Variants in RHEX observed in about 807,000 individuals in gnomAD.
RHEX encodes regulator of hemoglobinization and erythroid cell expansion.
A neutral mutation model predicts 20.1 loss-of-function variants in RHEX; 18 were observed. The ratio of observed to expected loss-of-function variants is 0.90; its 90% CI spans 0.62 to 1.33. The LOEUF is 1.33. Among genes scored for constraint, RHEX ranks in the 40% most tolerant of loss-of-function variants. RHEX has a pLI of 0.00. For missense variants in RHEX, 192 were observed against 214.3 expected (o/e 0.90, Z 0.65); for synonymous variants, 87 against 77.1 (o/e 1.13, Z -0.67).
intron 1 of RHEX, among the ~76,000 whole-genome samples, chr1:206,084,528 G>A (rs1662799802): frequency 6.6e-6 from 1 of 152,168 alleles, no homozygotes; most frequent in African/African-American, 2.4e-5. Flanking sequence ...TTACAGAAGA[G>A]TTAGATCAGG....
At chr1:206,080,076 G>A (rs1391942136) in intron 1 of RHEX, among the ~76,000 whole-genome samples, 2 of 152,218 alleles carry the variant, frequency 1.3e-5, no homozygotes, top group African/African-American at 4.8e-5. Context: ...ATGGGAAGCC[G>A]CTGGAGAATT....
chr1:206,099,676 T>C lies in RHEX; in HGVS notation c.134T>C (p.Leu45Pro). Residue 45 changes from leucine (L) to proline (P), a missense_variant, in exon 4 of 6, where the codon CTG becomes CCG. Physicochemically the swap from Leu to Pro is moderately conservative, Grantham distance 98. Coordinates refer to ENST00000331555, the MANE Select transcript of RHEX (RefSeq NM_001007544.4). ...CCAGCCCACAAGAGTGAACAGATAC[T>C]GAAAGCGGCCAGTCTCCAGGTTCCC... Reference protein sequence around the residue: ...RHMAHKSEQILKAASLQVPRP... With the variant: ...RHMAHKSEQIPKAASLQVPRP... 6.2e-7 allele frequency: 1 copy of C among 1,614,142 alleles called. No homozygotes were observed. The highest frequency in any genetic ancestry group is 8.5e-7 in the Non-Finnish European group (1 of 1,179,998).
rs1662457032 is a variant in RHEX at position 206,067,783 on chromosome 1, G to A, written c.-97+14518G>A. Reference sequence around the variant, plus strand: ...CAGACAGCCCCTTCTCTGCCGTGCTGCCCATTGCCTCCTTGCAACATATTC... The same window carrying A: ...CAGACAGCCCCTTCTCTGCCGTGCTACCCATTGCCTCCTTGCAACATATTC... On this transcript the variant is annotated intron_variant, in intron 1 of 5. Transcript: ENST00000331555. This position sits in a 1 kb window ranked among gnomAD's most constrained non-coding sequence, Gnocchi z 4.6. Among the ~76,000 whole-genome samples, 1 of 152,142 alleles carries A rather than the reference G, an allele frequency of 6.6e-6. No homozygotes were observed. Among genetic ancestry groups the A allele is most frequent in the South Asian group, 2.1e-4 (1 of 4,836 alleles).
intron 1 of RHEX, among the ~76,000 whole-genome samples, chr1:206,090,843 G>A (rs921518123): frequency 6.6e-6 from 1 of 151,770 alleles, no homozygotes; most frequent in African/African-American, 2.4e-5. Context: ...TATGTCTGTT[G>A]CTAATATAAT....
Position 206,096,774 on chromosome 1 carries a change from T to TTG in RHEX, c.-96-958_-96-957insGT, listed in dbSNP as rs1553287732. Among the ~76,000 whole-genome samples the TTG allele has an allele frequency of 1.3e-4, 18 of 141,156 alleles. No homozygotes were observed. The South Asian group carries it at 1.3e-3, about 10-fold the overall frequency. The allele number at this position is 141,156 out of a possible 152,430, so 92.6% of individuals were successfully genotyped here. ...TGTGCACAAGTCCCCTGTTTTTTTTTTTTTTGGTTTTTTTTTTTGAGACAG... is the reference window on the plus strand; with the variant it reads ...TGTGCACAAGTCCCCTGTTTTTTTTTTGTTTTTGGTTTTTTTTTTTGAGACAG... On this transcript the variant is annotated intron_variant, in intron 1 of 5. Transcript: ENST00000331555.
chr1:206,069,146 C>T (rs1208445301), intron 1 of RHEX, among the ~76,000 whole-genome samples: 7 of 152,322 alleles, frequency 4.6e-5, no homozygotes, highest in Admixed American at 4.6e-4. Context: ...AGTTTGCCAC[C>T]CTTACCCCCA....
intron 1 of RHEX, among the ~76,000 whole-genome samples, chr1:206,093,016 T>C (rs538540001): frequency 6.6e-6 from 1 of 152,190 alleles, no homozygotes; most frequent in Non-Finnish European, 1.5e-5. Flanking sequence ...CACCAGGGCC[T>C]AGAGGGGACA....
chr1:206,075,304 AC>A (rs1210368197), intron 1 of RHEX, among the ~76,000 whole-genome samples: 2 of 152,154 alleles, frequency 1.3e-5, no homozygotes, highest in African/African-American at 4.8e-5. Flanking sequence ...AAATAGAAAA[AC>A]ACCGCATAAA....
Position 206,099,701 on chromosome 1 carries a change from C to G in RHEX, c.159C>G (p.Pro53=). The G allele has an allele frequency of 1.2e-6, 2 of 1,614,114 alleles. No individual in the cohort carries two copies. Among genetic ancestry groups the G allele is most frequent in the Non-Finnish European group, 1.7e-6 (2 of 1,179,976 alleles). Residue 53 remains proline (P), a synonymous_variant, in exon 4 of 6, where the codon CCC becomes CCG. Transcript: ENST00000331555. ...TGAAAGCGGCCAGTCTCCAGGTTCCCAGGCCCAGCCCTGGCCACCATCATC... is the reference window on the plus strand; with the variant it reads ...TGAAAGCGGCCAGTCTCCAGGTTCCGAGGCCCAGCCCTGGCCACCATCATC... ...QILKAASLQV[P]RPSPGHHHPP... is the part of the protein sequence containing the mutation.
rs562315063 is a variant in RHEX, at chr1:206,063,882, C to T, written c.-97+10617C>T. On this transcript the variant is annotated intron_variant, in intron 1 of 5. Transcript: ENST00000331555. The stretch of plus-strand genomic sequence containing the variant: ...TCTGGGATGTGAGGAGCCCCTCTGC[C>T]TGGCTGCCCAGTCTGGAAAGTGAGG... 4.0e-3 allele frequency among the ~76,000 whole-genome samples: 600 copies of T among 151,282 alleles called. 5 individuals carry two copies. Among genetic ancestry groups the T allele is most frequent in the African/African-American group, 0.013 (555 of 41,140 alleles).
At position 206,088,406 on chromosome 1, in the gene RHEX, C is replaced by T. The variant is rs572195285; in HGVS notation, c.-96-9327C>T. On this transcript the variant is annotated intron_variant, in intron 1 of 5. Transcript: ENST00000331555. ...ATTGTTAATGAAATATTCTGGACCA[C>T]GTGCAGTGGCTCACACCTGTAATCC... Among the ~76,000 whole-genome samples, 6 of 152,210 alleles carry T rather than the reference C, an allele frequency of 3.9e-5. No homozygotes were observed. In the South Asian group the frequency reaches 1.2e-3, roughly 32 times the overall value.
intron 1 of RHEX, among the ~76,000 whole-genome samples, chr1:206,081,003 A>G (rs1553285814): frequency 6.6e-6 from 1 of 151,872 alleles, no homozygotes; most frequent in East Asian, 1.9e-4. Flanking sequence ...ACACACACAG[A>G]CACATACACA....
At chr1:206,095,658 A>T (rs1663050524) in intron 1 of RHEX, among the ~76,000 whole-genome samples, 1 of 152,106 alleles carries the variant, frequency 6.6e-6, no homozygotes, top group Non-Finnish European at 1.5e-5. Flanking sequence ...CTCTACTGAA[A>T]ATACAAAATT....
chr1:206,092,853 G>T (rs1462278397), intron 1 of RHEX, among the ~76,000 whole-genome samples: 1 of 152,158 alleles, frequency 6.6e-6, no homozygotes, highest in East Asian at 1.9e-4. Flanking sequence ...GAGGCTGAAT[G>T]TTACAAAATG....
intron 1 of RHEX, among the ~76,000 whole-genome samples, chr1:206,071,046 T>A (rs1172033323): frequency 6.6e-6 from 1 of 152,088 alleles, no homozygotes; most frequent in Non-Finnish European, 1.5e-5. Context: ...CAAGGTGAAG[T>A]CTCACAATAG....
Position 206,067,845 on chromosome 1 carries a change from G to A in RHEX, c.-97+14580G>A, listed in dbSNP as rs1335765560. On this transcript the variant is annotated intron_variant, in intron 1 of 5. Transcript: ENST00000331555. The surrounding 1 kb of genome is among the most constrained non-coding windows in gnomAD (Gnocchi z 4.6). ...AGCTTGCTTTCTTTAACTCACTACT[G>A]TCTTGGTAAATTCTTTTACCATCTG... Among the ~76,000 whole-genome samples the A allele has an allele frequency of 3.3e-5, 5 of 152,118 alleles. No individual in the cohort carries two copies. Among genetic ancestry groups the A allele is most frequent in the African/African-American group, 1.2e-4 (5 of 41,422 alleles).
At chr1:206,083,437 T>C (rs1418321918) in intron 1 of RHEX, 8 of 928,370 alleles carry the variant, frequency 8.6e-6, no homozygotes, top group Non-Finnish European at 1.0e-5. Context: ...CAGGAGGCAT[T>C]ATCTCTCCCT....
chr1:206,062,451 G>C (rs1355525605), intron 1 of RHEX, among the ~76,000 whole-genome samples: 1 of 152,216 alleles, frequency 6.6e-6, no homozygotes, highest in Non-Finnish European at 1.5e-5. Context: ...GGCCGAGGAG[G>C]GGGATTCAGA....
rs114232376 is a variant in RHEX, at chr1:206,083,695, G to A, written c.-96-14038G>A. On this transcript the variant is annotated intron_variant, in intron 1 of 5. Coordinates refer to ENST00000331555, the MANE Select transcript of RHEX (RefSeq NM_001007544.4). ...ACAGGATTTTAAATTAGTTTGAAGT[G>A]TGCATTTGTTTGCGAGCATATATGT... 1.6e-3 allele frequency: 1,493 copies of A among 946,824 alleles called. 1 individual carries two copies. The highest frequency in any genetic ancestry group is 8.0e-3 in the African/African-American group (450 of 56,528). 58.7% of individuals were successfully genotyped at this position (946,824 alleles called of 1,614,324 possible). A position where few individuals can be genotyped will look rare whatever the true frequency, so the allele number is the denominator to read the frequency against.
Sources: gnomAD v4.1 joint callset for allele counts (sites outside exome capture counted in the v4.1 genomes callset) on GRCh38, gnomAD v4.1.1 for gene constraint, Gnocchi (gnomAD v3.1) non-coding constraint, MANE v1.5 for transcripts, NCBI Gene and HGNC (gene_info 2026-07-23, HGNC 2026-07-21) for gene names.